The following FRMD4B variants were observed in gnomAD, a reference collection of about 807,000 sequenced individuals.
FRMD4B encodes the protein FERM domain containing 4B.
A neutral mutation model predicts 141.5 loss-of-function variants in FRMD4B; 74 were observed. That is an observed-to-expected ratio of 0.52 (90% CI 0.43 to 0.63). FRMD4B has a LOEUF of 0.63. Ranked by LOEUF, FRMD4B falls within the 30% of genes least tolerant of loss-of-function variation. The pLI is 0.00. For missense variants in FRMD4B, 1,366 were observed against 1,253.4 expected (o/e 1.09, Z -1.36); for synonymous variants, 506 against 467.9 (o/e 1.08, Z -1.05).
Position 69,196,999 on chromosome 3 carries a change from C to T in FRMD4B, c.993G>A (p.Leu331=), listed in dbSNP as rs769865524. 1.2e-6 allele frequency: 2 copies of T among 1,608,484 alleles called. No homozygotes were observed. The highest frequency in any genetic ancestry group is 1.7e-5 in the Admixed American group (1 of 59,928). Reference sequence around the variant, plus strand: ...AGTTAGCATACCATGTTTGCACAAACAAGCCACTTTGCCCAAAGGTTCTTC... The same window carrying T: ...AGTTAGCATACCATGTTTGCACAAATAAGCCACTTTGCCCAAAGGTTCTTC... ...VSRRTFGQSG[L]FVQTWYANSS... Residue 331 remains leucine, a synonymous_variant, in exon 13 of 23, where the codon TTG becomes TTA. Coordinates refer to ENST00000398540, the MANE Select transcript of FRMD4B (RefSeq NM_015123.3).
At chr3:69,451,995 C>T (rs1575806667) in intron 1 of FRMD4B, among the ~76,000 whole-genome samples, 1 of 152,310 alleles carries the variant, frequency 6.6e-6, no homozygotes, top group African/African-American at 2.4e-5. Context: ...CATAATGGAG[C>T]TCTAAATAAA....
At position 69,170,283 on chromosome 3, in the gene FRMD4B, T is replaced by C. The variant is rs1433398977; in HGVS notation, c.*1578A>G. On this transcript the variant is annotated 3_prime_UTR_variant, in exon 23 of 23. Coordinates refer to ENST00000398540, the MANE Select transcript of FRMD4B (RefSeq NM_015123.3). ...TAAACATTTTCAGTAGCACACCTTT[T>C]GTTTATTGACCTATGTAAAAAAATA... 1 of 152,208 alleles carries C rather than the reference T, an allele frequency of 6.6e-6. No individual in the cohort carries two copies. The highest frequency in any genetic ancestry group is 1.5e-5 in the Non-Finnish European group (1 of 68,046). 9.4% of individuals were successfully genotyped at this position (152,208 alleles called of 1,614,324 possible).
chr3:69,229,172 C>T (rs145607396), intron 7 of FRMD4B, among the ~76,000 whole-genome samples: 385 of 152,004 alleles, frequency 2.5e-3, no homozygotes, highest in African/African-American at 8.5e-3. Context: ...ATCACAGCTG[C>T]GTGCCACCAT....
chr3:69,385,935 A>G lies in FRMD4B; in HGVS notation c.55T>C (p.Phe19Leu). ...GTGGACACGGTCAAGTTCCATACGA[A>G]GCGGCTGCCGCTGAACAGCAGGTCC... ...VEDLLFSGSR[F>L]VWNLTVSTLR... The change falls in exon 1 of 23, where the codon TTC (phenylalanine) becomes CTC (leucine). Residue 19 changes from phenylalanine (F) to leucine (L), a missense_variant. Transcript: ENST00000398540. The G allele has an allele frequency of 6.2e-7, 1 of 1,604,608 alleles. No individual in the cohort carries two copies. Among genetic ancestry groups the G allele is most frequent in the Non-Finnish European group, 8.5e-7 (1 of 1,176,244 alleles).
chr3:69,333,498 G>A (rs1702447780), intron 1 of FRMD4B, among the ~76,000 whole-genome samples: 1 of 152,172 alleles, frequency 6.6e-6, no homozygotes, highest in Non-Finnish European at 1.5e-5. Flanking sequence ...TTTCAGTTTT[G>A]TTCCATTACA....
chr3:69,381,777 T>A (rs1704126457), intron 1 of FRMD4B, among the ~76,000 whole-genome samples: 1 of 152,244 alleles, frequency 6.6e-6, no homozygotes, highest in Non-Finnish European at 1.5e-5. Context: ...AATATTTTTA[T>A]GTAAAGAGCA....
chr3:69,222,719 C>T (rs371569403), intron 8 of FRMD4B, among the ~76,000 whole-genome samples: 48 of 152,278 alleles, frequency 3.2e-4, no homozygotes, highest in African/African-American at 1.1e-3. Flanking sequence ...TGCAGTGAGC[C>T]GAGCTTGCGC....
chr3:69,486,874 T>C (rs2107008412), intron 1 of FRMD4B, among the ~76,000 whole-genome samples: 1 of 152,324 alleles, frequency 6.6e-6, no homozygotes, highest in Non-Finnish European at 1.5e-5. Flanking sequence ...TCTGTGAAGA[T>C]ATGCAACTCT....
rs571892461 is a variant in FRMD4B, at chr3:69,308,170, G to A, written c.323+3093C>T. Among the ~76,000 whole-genome samples, 19 of 152,180 alleles carry A rather than the reference G, an allele frequency of 1.2e-4. 1 individual carries two copies. Among genetic ancestry groups the A allele is most frequent in the Non-Finnish European group, 2.4e-4 (16 of 68,018 alleles). Reference sequence around the variant, plus strand: ...TGACAGCTCCCTTTTATTGTGGGCCGGTGCTATATGCTCTGCCTACCTTAC... The same window carrying A: ...TGACAGCTCCCTTTTATTGTGGGCCAGTGCTATATGCTCTGCCTACCTTAC... On this transcript the variant is annotated intron_variant, in intron 3 of 22. Coordinates refer to ENST00000398540, the MANE Select transcript of FRMD4B (RefSeq NM_015123.3).
chr3:69,218,128 G>T (rs1476534592), intron 10 of FRMD4B, among the ~76,000 whole-genome samples, 194 bp downstream of exon 10: 1 of 152,174 alleles, frequency 6.6e-6, no homozygotes, highest in Non-Finnish European at 1.5e-5. Flanking sequence ...GAAAGAGAAT[G>T]ATCTGAACAT....
At chr3:69,304,035 C>T (rs1346750320) in intron 3 of FRMD4B, among the ~76,000 whole-genome samples, 1 of 151,054 alleles carries the variant, frequency 6.6e-6, no homozygotes, top group African/African-American at 2.4e-5. Context: ...GCTCATGCCT[C>T]TAATCCCAGC....
chr3:69,477,682 C>G (rs1575816540), intron 1 of FRMD4B, among the ~76,000 whole-genome samples: 1 of 152,088 alleles, frequency 6.6e-6, no homozygotes, highest in East Asian at 1.9e-4. Flanking sequence ...GGTTATGTCT[C>G]TGCCAGGCTT....
chr3:69,424,237 A>G (rs1402789496), intron 2 of FRMD4B, among the ~76,000 whole-genome samples: 1 of 152,202 alleles, frequency 6.6e-6, no homozygotes. Context: ...AGTATTTGCT[A>G]ATTTGGTGTT....
chr3:69,334,259 C>T (rs534444529), intron 1 of FRMD4B: 1 of 152,122 alleles, frequency 6.6e-6, no homozygotes, highest in Non-Finnish European at 1.5e-5. Flanking sequence ...ATGGTGTTAT[C>T]CATAATCCTT....
intron 1 of FRMD4B, among the ~76,000 whole-genome samples, chr3:69,352,378 T>A (rs1703179313): frequency 2.0e-5 from 3 of 152,222 alleles, no homozygotes; most frequent in Admixed American, 2.0e-4. Context: ...GCTACACTAT[T>A]ATGTTGTTAC....
In FRMD4B at chr3:69,171,799, T is replaced by A. The variant is rs868673420; in HGVS notation, c.*62A>T. Reference sequence around the variant, plus strand: ...AACGAACATCCTCTCGGAAGACAAATACAATTTGCAAGGCACACTAGTGTG... The same window carrying A: ...AACGAACATCCTCTCGGAAGACAAAAACAATTTGCAAGGCACACTAGTGTG... On this transcript the variant is annotated 3_prime_UTR_variant, in exon 23 of 23. Coordinates refer to ENST00000398540, the MANE Select transcript of FRMD4B (RefSeq NM_015123.3). The A allele has an allele frequency of 2.5e-5, 38 of 1,526,256 alleles. No homozygotes were observed. In the South Asian group the frequency reaches 4.1e-4, roughly 16 times the overall value. The allele number at this position is 1,526,256 out of a possible 1,614,324, so 94.5% of individuals were successfully genotyped here. A position where few individuals can be genotyped will look rare whatever the true frequency, so the allele number is the denominator to read the frequency against.
intron 1 of FRMD4B, among the ~76,000 whole-genome samples, chr3:69,526,141 A>C (rs1251430988): frequency 6.6e-6 from 1 of 152,162 alleles, no homozygotes; most frequent in African/African-American, 2.4e-5. Flanking sequence ...ATATGCACCT[A>C]CAAATTATTA....
chr3:69,427,643 GTTTTTTTTTTT>G (rs774316609), intron 2 of FRMD4B, among the ~76,000 whole-genome samples: 140 of 36,246 alleles, frequency 3.9e-3, no homozygotes, highest in East Asian at 0.014. Flanking sequence ...CTAGGTAAAT[GTTTTTTTTTTT>G]TTTTTTTTTT....
In FRMD4B at chr3:69,171,692, T is replaced by TG; in HGVS notation, c.*168dup. On this transcript the variant is annotated 3_prime_UTR_variant, in exon 23 of 23. Coordinates refer to ENST00000398540, the MANE Select transcript of FRMD4B (RefSeq NM_015123.3). The stretch of plus-strand genomic sequence containing the variant: ...GCCAAATCCTCCTTTAGGGGCTTTG[T>TG]GGGGCTTGGTGTGTGATTCACTGAT... 1 of 646,806 alleles carries TG rather than the reference T, an allele frequency of 1.5e-6. No homozygotes were observed. Among genetic ancestry groups the TG allele is most frequent in the South Asian group, 1.9e-5 (1 of 52,652 alleles). The allele number at this position is 646,806 out of a possible 1,614,324, so 40.1% of individuals were successfully genotyped here. A position where few individuals can be genotyped will look rare whatever the true frequency, so the allele number is the denominator to read the frequency against.
Sources: allele counts gnomAD v4.1 joint callset (sites outside exome capture counted in the v4.1 genomes callset), GRCh38; gene constraint gnomAD v4.1.1; transcripts MANE v1.5; gene names NCBI Gene and HGNC (gene_info 2026-07-23, HGNC 2026-07-21).